Variants in NPAS2 observed in about 807,000 individuals in gnomAD.
NPAS2 encodes neuronal PAS domain-containing protein 2.
Under a neutral mutation model 107.5 loss-of-function variants are expected in NPAS2, and 23 were observed. The observed-to-expected ratio is 0.21, with a 90% CI of 0.15 to 0.30. The LOEUF is 0.30. NPAS2 is among the 10% of genes least tolerant of loss of function. The pLI is 1.00. For missense variants in NPAS2, 756 were observed against 1,043.3 expected, an observed-to-expected ratio of 0.72 and a Z score of 3.79; for synonymous variants, 403 against 417.5, an observed-to-expected ratio of 0.97 and a Z score of 0.42.
intron 1 of NPAS2, among the ~76,000 whole-genome samples, chr2:100,837,049 A>G (rs1374539419): frequency 6.6e-6 from 1 of 152,118 alleles, no homozygotes; most frequent in East Asian, 1.9e-4. Context: ...CATCGCTTAC[A>G]GACACTAGAG....
chr2:100,954,994 C>T (rs932589190), intron 7 of NPAS2, among the ~76,000 whole-genome samples: 6 of 151,944 alleles, frequency 3.9e-5, no homozygotes, highest in Non-Finnish European at 7.4e-5. Context: ...TCTCCTGCCT[C>T]GGCATCCCAA....
chr2:100,868,179 G>A (rs1052342562), intron 1 of NPAS2, among the ~76,000 whole-genome samples: 1 of 152,166 alleles, frequency 6.6e-6, no homozygotes, highest in African/African-American at 2.4e-5. Flanking sequence ...ATTTACTTTA[G>A]TGAGATTTTG....
chr2:100,887,710 G>C (rs1680797477), intron 1 of NPAS2, among the ~76,000 whole-genome samples: 1 of 149,320 alleles, frequency 6.7e-6, no homozygotes, highest in Non-Finnish European at 1.5e-5. Context: ...ATCTTCCCAA[G>C]TGTTCTCTGG....
intron 2 of NPAS2, among the ~76,000 whole-genome samples, chr2:100,907,063 T>C (rs367861794): frequency 6.6e-6 from 1 of 152,284 alleles, no homozygotes; most frequent in East Asian, 1.9e-4. Context: ...AAGGAGTTCA[T>C]AGGAGTTTTA....
intron 7 of NPAS2, among the ~76,000 whole-genome samples, chr2:100,955,664 T>C (rs1451816454): frequency 6.6e-6 from 1 of 152,158 alleles, no homozygotes; most frequent in Non-Finnish European, 1.5e-5. Flanking sequence ...TCCTGGTGCC[T>C]TGTGATTTGT....
chr2:100,823,569 C>G lies in NPAS2; in HGVS notation c.-23+3155C>G, dbSNP rs58427034. 2.0e-5 allele frequency: 3 copies of G among 152,322 alleles called. No individual in the cohort carries two copies. In the East Asian group the frequency reaches 5.8e-4, roughly 29 times the overall value. 9.4% of individuals were successfully genotyped at this position (152,322 alleles called of 1,614,324 possible). A position where few individuals can be genotyped will look rare whatever the true frequency, so the allele number is the denominator to read the frequency against. The stretch of plus-strand genomic sequence containing the variant: ...CAAACACAGATTCTAACTCAGGACA[C>G]CTGGGAGAGGACCCGAGCTGCATTT... On this transcript the variant is annotated intron_variant, in intron 1 of 20. Coordinates refer to ENST00000335681, the MANE Select transcript of NPAS2 (RefSeq NM_002518.4).
chr2:100,882,539 G>C (rs1680430520), intron 1 of NPAS2, among the ~76,000 whole-genome samples: 1 of 152,174 alleles, frequency 6.6e-6, no homozygotes, highest in Admixed American at 6.5e-5. Flanking sequence ...GTAAAACCCG[G>C]GAGGCGGAGG....
chr2:100,981,835 A>G (rs1440067332), intron 15 of NPAS2, among the ~76,000 whole-genome samples: 1 of 152,196 alleles, frequency 6.6e-6, no homozygotes, highest in East Asian at 1.9e-4. Context: ...GAGGGGGAAA[A>G]GGGACTCTCT....
intron 1 of NPAS2, among the ~76,000 whole-genome samples, chr2:100,866,943 G>T (rs893771635): frequency 2.6e-5 from 4 of 152,154 alleles, no homozygotes; most frequent in Non-Finnish European, 5.9e-5. Flanking sequence ...CTTGTTCTTT[G>T]GGGTGACATT....
At chr2:100,873,305 TATACACAC>T (rs60962998) in intron 1 of NPAS2, among the ~76,000 whole-genome samples, 6,484 of 37,848 alleles carry the variant, frequency 0.17, 196 homozygotes, top group Non-Finnish European at 0.23. Context: ...TATATATATA[TATACACAC>T]ACACACACAC....
intron 1 of NPAS2, among the ~76,000 whole-genome samples, chr2:100,862,557 G>A (rs1339865592): frequency 5.9e-5 from 9 of 152,102 alleles, no homozygotes; most frequent in Admixed American, 2.0e-4. Flanking sequence ...GTGATCCAGC[G>A]GCTGCCTGAC....
intron 5 of NPAS2, among the ~76,000 whole-genome samples, chr2:100,939,843 T>C (rs1308840310): frequency 6.6e-6 from 1 of 152,100 alleles, no homozygotes; most frequent in African/African-American, 2.4e-5. Flanking sequence ...TATGGAGCAA[T>C]TTAGGACCAC....
chr2:100,990,375 A>G lies in NPAS2; in HGVS notation c.1947A>G (p.Thr649=), dbSNP rs762502207. The change falls in exon 18 of 21, where the codon ACA becomes ACG. Residue 649 remains threonine (T), a synonymous_variant. Coordinates refer to ENST00000335681, the MANE Select transcript of NPAS2 (RefSeq NM_002518.4). ...AALPPSLNLT[T]PASTSQDASQ... Reference sequence around the variant, plus strand: ...TCCCGCCAAGTCTGAATCTGACCACACCTGCTTCCACCTCCCAGGATGCCA... The same window carrying G: ...TCCCGCCAAGTCTGAATCTGACCACGCCTGCTTCCACCTCCCAGGATGCCA... 2.9e-5 allele frequency: 46 copies of G among 1,614,008 alleles called. No homozygotes were observed. Among genetic ancestry groups the G allele is most frequent in the Non-Finnish European group, 3.7e-5 (44 of 1,180,028 alleles).
At chr2:100,857,597 C>G (rs1028176790) in intron 1 of NPAS2, among the ~76,000 whole-genome samples, 2 of 152,166 alleles carry the variant, frequency 1.3e-5, no homozygotes, top group African/African-American at 4.8e-5. Context: ...ATATGTGTTT[C>G]AGGGAGGGTT....
At chr2:100,928,589 G>A (rs998056523) in intron 3 of NPAS2, among the ~76,000 whole-genome samples, 3 of 152,210 alleles carry the variant, frequency 2.0e-5, no homozygotes, top group East Asian at 3.9e-4. Flanking sequence ...GGCCTACTCC[G>A]CACAACCTGC....
At position 100,965,034 on chromosome 2, in the gene NPAS2, T is replaced by C. The variant is rs200919863; in HGVS notation, c.800+91T>C. 1.5e-6 allele frequency: 1 copy of C among 677,236 alleles called. No individual in the cohort carries two copies. The highest frequency in any genetic ancestry group is 2.1e-6 in the Non-Finnish European group (1 of 471,218). The allele number at this position is 677,236 out of a possible 1,614,324, so 42.0% of individuals were successfully genotyped here. A position where few individuals can be genotyped will look rare whatever the true frequency, so the allele number is the denominator to read the frequency against. ...CTCCTTGGGAGAGAAGAGTCGGCCCTGGTCCATTGAAAGAGGAGGACTCTC... is the reference window on the plus strand; with the variant it reads ...CTCCTTGGGAGAGAAGAGTCGGCCCCGGTCCATTGAAAGAGGAGGACTCTC... On this transcript the variant is annotated intron_variant, in intron 9 of 20. Coordinates refer to ENST00000335681, the MANE Select transcript of NPAS2 (RefSeq NM_002518.4). The surrounding 1 kb of genome is among the most constrained non-coding windows in gnomAD (Gnocchi z 4.3).
At position 100,873,307 on chromosome 2, in the gene NPAS2, T is replaced by TACACACACACACAC. The variant is rs368306404; in HGVS notation, c.-22-31404_-22-31391dup. Reference sequence around the variant, plus strand: ...ATATATATATATATATATATATATATACACACACACACACACACACACACA... The same window carrying TACACACACACACAC: ...ATATATATATATATATATATATATATACACACACACACACACACACACACACACACACACACACA... On this transcript the variant is annotated intron_variant, in intron 1 of 20. Transcript: ENST00000335681. 1.9e-4 allele frequency among the ~76,000 whole-genome samples: 8 copies of TACACACACACACAC among 41,902 alleles called. No homozygotes were observed. In the East Asian group the frequency reaches 2.2e-3, roughly 12 times the overall value. 27.5% of individuals were successfully genotyped at this position (41,902 alleles called of 152,430 possible).
chr2:100,974,243 C>T (rs1676805542), intron 12 of NPAS2, among the ~76,000 whole-genome samples: 1 of 152,200 alleles, frequency 6.6e-6, no homozygotes, highest in Admixed American at 6.5e-5. Context: ...TCTCGTCACA[C>T]TGTATTTGAA....
At chr2:100,841,938 A>G (rs1475660552) in intron 1 of NPAS2, among the ~76,000 whole-genome samples, 1 of 152,244 alleles carries the variant, frequency 6.6e-6, no homozygotes, top group Non-Finnish European at 1.5e-5. Flanking sequence ...TACCATATAC[A>G]TAAGTGCATG....
Sources: allele counts gnomAD v4.1 joint callset (sites outside exome capture counted in the v4.1 genomes callset), GRCh38; gene constraint gnomAD v4.1.1; non-coding constraint Gnocchi (gnomAD v3.1); transcripts MANE v1.5; gene names NCBI Gene and HGNC (gene_info 2026-07-23, HGNC 2026-07-21).